The following LRP1B variants were observed in gnomAD, a reference collection of about 807,000 sequenced individuals.
LRP1B encodes low-density lipoprotein receptor-related protein 1B.
In LRP1B, 217 loss-of-function variants were observed where a neutral mutation model predicts 556.6. The observed-to-expected ratio is 0.39, with a 90% CI of 0.35 to 0.44. The LOEUF is 0.44. Among genes scored for constraint, LRP1B ranks in the 20% least tolerant of loss-of-function variants. The pLI is 1.00. For missense variants in LRP1B, 5,053 were observed against 5,620.8 expected (o/e 0.90, Z 3.23); for synonymous variants, 2,047 against 1,865.8 (o/e 1.10, Z -2.50).
At chr2:141,743,501 C>CTTTTTTTTTTTTTTT (rs796287062) in intron 2 of LRP1B, among the ~76,000 whole-genome samples, 64 of 118,974 alleles carry the variant, frequency 5.4e-4, no homozygotes, top group African/African-American at 8.4e-4. Context: ...TTTTTTTTTT[C>CTTTTTTTTTTTTTTT]TTTTTTTTTT....
At position 141,432,642 on chromosome 2, in the gene LRP1B, T is replaced by C. The variant is rs148810303; in HGVS notation, c.343+47754A>G. The stretch of plus-strand genomic sequence containing the variant: ...TTTTATTTTGTTTTCTTGAGTCAGT[T>C]TTGGTAACCTCTGTCTATTAATTTG... On this transcript the variant is annotated intron_variant, in intron 3 of 90. Transcript: ENST00000389484. Among the ~76,000 whole-genome samples, 978 of 152,150 alleles carry C rather than the reference T, an allele frequency of 6.4e-3. 11 individuals carry two copies. The highest frequency in any genetic ancestry group is 0.023 in the African/African-American group (943 of 41,538).
At chr2:141,548,939 G>A (rs10200635) in intron 2 of LRP1B, among the ~76,000 whole-genome samples, 3 of 151,666 alleles carry the variant, frequency 2.0e-5, no homozygotes, top group Admixed American at 6.6e-5. Context: ...CTTTTTAAAC[G>A]TTGCTGGTTA....
rs1491402382 is a variant in LRP1B, at chr2:141,920,278, TTG to T, written c.83-109879_83-109878del. Among the ~76,000 whole-genome samples the T allele has an allele frequency of 2.9e-5, 3 of 104,892 alleles. 1 individual carries two copies. Among genetic ancestry groups the T allele is most frequent in the Non-Finnish European group, 3.9e-5 (2 of 51,594 alleles). The allele number at this position is 104,892 out of a possible 152,430, so 68.8% of individuals were successfully genotyped here. A position where few individuals can be genotyped will look rare whatever the true frequency, so the allele number is the denominator to read the frequency against. On this transcript the variant is annotated intron_variant, in intron 1 of 90. Transcript: ENST00000389484. ...GTTTCAATTTTTTTCTTCTTTTTTT[TTG>T]GGGGGGGGTGGTAGGGATAATCATT...
At chr2:141,416,446 A>ATTTTTT (rs34512949) in intron 3 of LRP1B, among the ~76,000 whole-genome samples, 7 of 103,412 alleles carry the variant, frequency 6.8e-5, no homozygotes, top group East Asian at 2.8e-4. Flanking sequence ...TTTGACAGCC[A>ATTTTTT]TTTTTTTTTT....
intron 11 of LRP1B, among the ~76,000 whole-genome samples, chr2:141,040,734 A>AG (rs1698672917): frequency 6.6e-6 from 1 of 152,056 alleles, no homozygotes; most frequent in African/African-American, 2.4e-5. Flanking sequence ...ACACAATTGG[A>AG]GGGACAGCTG....
rs1184833895 is a variant in LRP1B at position 141,956,996 on chromosome 2, AG to A, written c.83-146596del. On this transcript the variant is annotated intron_variant, in intron 1 of 90. Coordinates refer to ENST00000389484, the MANE Select transcript of LRP1B (RefSeq NM_018557.3). Reference sequence around the variant, plus strand: ...CTTCTTCCTGTCAGCTACTTTTGATAGGGGTAGGTGTGATCACTCAAAGAAA... The same window carrying A: ...CTTCTTCCTGTCAGCTACTTTTGATAGGGTAGGTGTGATCACTCAAAGAAA... Among the ~76,000 whole-genome samples the A allele has an allele frequency of 5.2e-4, 79 of 152,170 alleles. 3 individuals are homozygous for A. In the East Asian group the frequency reaches 0.014, roughly 27 times the overall value.
At chr2:140,731,128 T>C (rs977650704) in intron 35 of LRP1B, among the ~76,000 whole-genome samples, 1 of 152,196 alleles carries the variant, frequency 6.6e-6, no homozygotes, top group African/African-American at 2.4e-5. Context: ...CTCATATTCT[T>C]CCTCTGCCAG....
chr2:141,644,943 G>A (rs1293990536), intron 2 of LRP1B, among the ~76,000 whole-genome samples: 1 of 152,014 alleles, frequency 6.6e-6, no homozygotes, highest in Non-Finnish European at 1.5e-5. Flanking sequence ...TTGGCTGGAA[G>A]GAAAGAAAAC....
At chr2:140,314,043 C>T (rs1684415567) in intron 83 of LRP1B, among the ~76,000 whole-genome samples, 1 of 151,904 alleles carries the variant, frequency 6.6e-6, no homozygotes, top group Non-Finnish European at 1.5e-5. Flanking sequence ...TTTCAGTTAG[C>T]ACTATATTAA....
chr2:141,857,436 A>G (rs2105783335), intron 1 of LRP1B, among the ~76,000 whole-genome samples: 1 of 151,732 alleles, frequency 6.6e-6, no homozygotes, highest in Non-Finnish European at 1.5e-5. Flanking sequence ...AACCTCCCAG[A>G]CTCAAGTGAT....
intron 1 of LRP1B, among the ~76,000 whole-genome samples, chr2:142,081,487 G>A (rs1382034510): frequency 6.6e-6 from 1 of 152,068 alleles, no homozygotes; most frequent in Non-Finnish European, 1.5e-5. Flanking sequence ...TTCACTGTGA[G>A]ACAGCAACCA....
chr2:141,482,294 G>T (rs1682948827), intron 2 of LRP1B, among the ~76,000 whole-genome samples: 1 of 152,064 alleles, frequency 6.6e-6, no homozygotes, highest in Admixed American at 6.6e-5. Flanking sequence ...TGTTTTGGGG[G>T]ATATAAACAA....
intron 46 of LRP1B, among the ~76,000 whole-genome samples, chr2:140,535,556 G>A (rs545812798): frequency 3.9e-5 from 6 of 152,002 alleles, no homozygotes; most frequent in South Asian, 2.1e-4. Context: ...ATTATTACCC[G>A]GATAATGGAA....
intron 6 of LRP1B, among the ~76,000 whole-genome samples, chr2:141,206,246 G>A (rs573290187): frequency 1.3e-4 from 20 of 152,060 alleles, no homozygotes; most frequent in African/African-American, 4.3e-4. Context: ...TTCCTATGCT[G>A]GTTTTACTGT....
chr2:141,357,292 G>A (rs1023780827), intron 3 of LRP1B, among the ~76,000 whole-genome samples: 1 of 152,080 alleles, frequency 6.6e-6, no homozygotes, highest in South Asian at 2.1e-4. Flanking sequence ...CTGACCTTGT[G>A]ATCCACCTGC....
At chr2:141,259,260 T>G (rs1031800497) in intron 3 of LRP1B, among the ~76,000 whole-genome samples, 2 of 152,186 alleles carry the variant, frequency 1.3e-5, no homozygotes, top group Non-Finnish European at 1.5e-5. Context: ...TAGAGTATTG[T>G]GTTGAGGCCT....
In LRP1B at chr2:142,127,173, G is replaced by A. The variant is rs1001157104; in HGVS notation, c.82+3475C>T. 7.9e-5 allele frequency among the ~76,000 whole-genome samples: 12 copies of A among 151,738 alleles called. No individual in the cohort carries two copies. In the East Asian group the frequency reaches 1.5e-3, roughly 20 times the overall value. ...TTTAATTTTTCTGCAATATTCTCAT[G>A]TCTCTCTCCATTCTTAGAGGTCTAA... On this transcript the variant is annotated intron_variant, in intron 1 of 90. Coordinates refer to ENST00000389484, the MANE Select transcript of LRP1B (RefSeq NM_018557.3).
intron 11 of LRP1B, among the ~76,000 whole-genome samples, chr2:141,031,250 A>ATC (rs1348327453): frequency 7.6e-5 from 6 of 78,774 alleles, no homozygotes; most frequent in Non-Finnish European, 1.3e-4. Flanking sequence ...ATATATACAT[A>ATC]TCACACACAC....
At chr2:140,913,421 G>A (rs1198171401) in intron 21 of LRP1B, among the ~76,000 whole-genome samples, 2 of 151,906 alleles carry the variant, frequency 1.3e-5, no homozygotes, top group Admixed American at 1.3e-4. Flanking sequence ...GGAAGGATGA[G>A]AAACAAGCTT....
Sources: allele counts gnomAD v4.1 joint callset (sites outside exome capture counted in the v4.1 genomes callset), GRCh38; gene constraint gnomAD v4.1.1; transcripts MANE v1.5; gene names NCBI Gene and HGNC (gene_info 2026-07-23, HGNC 2026-07-21).